FOXP2: variants seen among roughly 807,000 people sequenced by gnomAD.
FOXP2 encodes the protein forkhead box P2.
FOXP2 carries 12 observed loss-of-function variants against 115.8 expected under a neutral mutation model. The observed-to-expected ratio is 0.10, with a 90% CI of 0.07 to 0.17. The LOEUF is 0.17. FOXP2 is among the 10% of genes least tolerant of loss of function. FOXP2 has a pLI of 1.00. For missense variants in FOXP2, 629 were observed against 843.5 expected, an observed-to-expected ratio of 0.75 and a Z score of 3.15; for synonymous variants, 328 against 297.7, an observed-to-expected ratio of 1.10 and a Z score of -1.05.
intron 15 of FOXP2, among the ~76,000 whole-genome samples, chr7:114,663,792 G>A (rs1807016140): frequency 6.6e-6 from 1 of 152,140 alleles, no homozygotes; most frequent in Non-Finnish European, 1.5e-5. Flanking sequence ...ATGTGGCTAT[G>A]CATTAATATT....
At chr7:114,512,797 A>C (rs1798138443) in intron 2 of FOXP2, among the ~76,000 whole-genome samples, 1 of 152,116 alleles carries the variant, frequency 6.6e-6, no homozygotes, top group Non-Finnish European at 1.5e-5. Context: ...CTATTTTAAA[A>C]ACTAGGCTGG....
intron 1 of FOXP2, among the ~76,000 whole-genome samples, chr7:114,218,367 C>T (rs969449094): frequency 6.6e-5 from 10 of 152,250 alleles, no homozygotes; most frequent in Admixed American, 1.3e-4. Context: ...TGGCCCTCAG[C>T]TTTACCCCCA....
chr7:114,528,086 GT>G (rs1798960753), intron 2 of FOXP2, among the ~76,000 whole-genome samples: 1 of 151,886 alleles, frequency 6.6e-6, no homozygotes, highest in Admixed American at 6.6e-5. Context: ...GTCATTTATT[GT>G]TTAGTTTATC....
chr7:114,577,144 C>T (rs1324877180), intron 3 of FOXP2, among the ~76,000 whole-genome samples: 6 of 151,852 alleles, frequency 4.0e-5, no homozygotes, highest in Non-Finnish European at 7.4e-5. Context: ...TTATAACTGG[C>T]ATAGTTTATG....
intron 2 of FOXP2, among the ~76,000 whole-genome samples, chr7:114,497,889 A>G (rs1170408013): frequency 1.3e-5 from 2 of 152,082 alleles, no homozygotes; most frequent in African/African-American, 4.8e-5. Context: ...AGATGGAGAC[A>G]ATATTATCTC....
intron 2 of FOXP2, among the ~76,000 whole-genome samples, chr7:114,531,123 G>A (rs1302365451): frequency 6.6e-6 from 1 of 151,616 alleles, no homozygotes; most frequent in Non-Finnish European, 1.5e-5. Context: ...TCTCTTTCTT[G>A]TTTCTGATAC....
At chr7:114,351,045 T>C (rs1259634894) in intron 2 of FOXP2, among the ~76,000 whole-genome samples, 1 of 152,146 alleles carries the variant, frequency 6.6e-6, no homozygotes, top group Non-Finnish European at 1.5e-5. Flanking sequence ...ACAACAAAAA[T>C]GTCTATACAT....
chr7:114,199,363 A>C (rs2129159192), intron 1 of FOXP2, among the ~76,000 whole-genome samples: 1 of 152,290 alleles, frequency 6.6e-6, no homozygotes, highest in African/African-American at 2.4e-5. Flanking sequence ...CTAATTTTAA[A>C]ATGTTATGAA....
intron 3 of FOXP2, among the ~76,000 whole-genome samples, chr7:114,587,458 A>G (rs919579157): frequency 1.3e-5 from 2 of 152,134 alleles, no homozygotes; most frequent in Non-Finnish European, 2.9e-5. Flanking sequence ...TTATGGCTGC[A>G]TAGTAACCCA....
intron 2 of FOXP2, among the ~76,000 whole-genome samples, chr7:114,339,789 T>C (rs534658877): frequency 6.6e-6 from 1 of 151,394 alleles, no homozygotes; most frequent in Non-Finnish European, 1.5e-5. Flanking sequence ...TTTTGGAATC[T>C]GTTGCTCTTT....
intron 2 of FOXP2, among the ~76,000 whole-genome samples, chr7:114,532,680 T>A (rs1391489281): frequency 6.6e-6 from 1 of 151,896 alleles, no homozygotes; most frequent in Non-Finnish European, 1.5e-5. Context: ...TCAATAAATT[T>A]TTTAAAGAAT....
Sources: allele counts gnomAD v4.1 joint callset (sites outside exome capture counted in the v4.1 genomes callset), GRCh38; gene constraint gnomAD v4.1.1; transcripts MANE v1.5; gene names NCBI Gene and HGNC (gene_info 2026-07-23, HGNC 2026-07-21).